RAD51B: variants seen among roughly 807,000 people sequenced by gnomAD.
The protein encoded by RAD51B is RAD51 paralog B.
Under a neutral mutation model 42.2 loss-of-function variants are expected in RAD51B, and 38 were observed. The ratio of observed to expected loss-of-function variants is 0.90; its 90% CI spans 0.70 to 1.18. The LOEUF (loss-of-function observed/expected upper bound fraction) is 1.18, where lower values mean the gene tolerates loss of function less well. RAD51B is among the 50% of genes most tolerant of loss of function. RAD51B has a pLI of 0.00. For synonymous variants in RAD51B, 154 were observed against 145.2 expected (o/e 1.06, Z -0.43); for missense variants, 373 against 400.7 (o/e 0.93, Z 0.59).
At chr14:68,186,435 T>C (rs1257805586) in intron 7 of RAD51B, among the ~76,000 whole-genome samples, 1 of 152,036 alleles carries the variant, frequency 6.6e-6, no homozygotes, top group African/African-American at 2.4e-5. Flanking sequence ...AACCTACAGA[T>C]AGGGAGAAAA....
intron 10 of RAD51B, among the ~76,000 whole-genome samples, chr14:68,509,277 C>T (rs1885554392): frequency 6.6e-6 from 1 of 152,236 alleles, no homozygotes; most frequent in Non-Finnish European, 1.5e-5. Flanking sequence ...GTGTGGCACA[C>T]GTAAGGGAGC....
intron 7 of RAD51B, among the ~76,000 whole-genome samples, chr14:68,026,788 T>C (rs755875885): frequency 3.9e-5 from 6 of 152,220 alleles, no homozygotes; most frequent in Non-Finnish European, 7.3e-5. Flanking sequence ...CCTGTTTTTA[T>C]ATTCAGCTTC....
intron 7 of RAD51B, among the ~76,000 whole-genome samples, chr14:68,011,547 A>G (rs538371130): frequency 4.7e-4 from 71 of 152,238 alleles, no homozygotes; most frequent in Admixed American, 1.0e-3. Context: ...AGATGATCAC[A>G]GAAGTGTTCA....
chr14:68,401,554 C>A (rs1359847088), intron 8 of RAD51B, among the ~76,000 whole-genome samples: 4 of 152,144 alleles, frequency 2.6e-5, no homozygotes, highest in Non-Finnish European at 4.4e-5. Context: ...TTCTCAGTAA[C>A]GAGTTTGCTG....
intron 8 of RAD51B, among the ~76,000 whole-genome samples, chr14:68,306,863 G>C (rs911256): frequency 0.14 from 20,543 of 152,168 alleles, 1,866 homozygotes; most frequent in African/African-American, 0.26. Flanking sequence ...GTGCCATCAG[G>C]GAAGGAATCT....
intron 9 of RAD51B, among the ~76,000 whole-genome samples, chr14:68,429,048 TC>T (rs2084932244): frequency 6.6e-6 from 1 of 152,018 alleles, no homozygotes; most frequent in Non-Finnish European, 1.5e-5. Context: ...CATGATGGTT[TC>T]CAGCTTCATC....
intron 7 of RAD51B, among the ~76,000 whole-genome samples, chr14:68,017,343 G>A (rs185272980): frequency 3.3e-5 from 5 of 151,774 alleles, no homozygotes; most frequent in African/African-American, 1.2e-4. Flanking sequence ...CTACAGGCAC[G>A]TGCCACCATA....
chr14:68,246,929 C>G (rs1276608649), intron 7 of RAD51B, among the ~76,000 whole-genome samples: 1 of 152,120 alleles, frequency 6.6e-6, no homozygotes, highest in African/African-American at 2.4e-5. Context: ...TGATAAAGGA[C>G]ACAAACACAC....
intron 10 of RAD51B, among the ~76,000 whole-genome samples, chr14:68,622,915 T>C (rs1464822866): frequency 6.6e-6 from 1 of 151,968 alleles, no homozygotes; most frequent in Non-Finnish European, 1.5e-5. Flanking sequence ...GACTGCACCA[T>C]GGAGAACTCT....
At chr14:68,381,687 A>G (rs1218903118) in intron 8 of RAD51B, among the ~76,000 whole-genome samples, 4 of 152,186 alleles carry the variant, frequency 2.6e-5, no homozygotes, top group Non-Finnish European at 4.4e-5. Flanking sequence ...CTCAAAATAA[A>G]TAAATAAATA....
chr14:68,087,964 TTATTATTATATATAATTATATAATA>T (rs1467453388), intron 7 of RAD51B, among the ~76,000 whole-genome samples: 93 of 112,002 alleles, frequency 8.3e-4, no homozygotes, highest in South Asian at 3.6e-3. Context: ...ATTATATAAT[TTATTATTATATATAATTATATAATA>T]TATTATTATA....
At chr14:67,827,969 T>C (rs1387708069) in intron 3 of RAD51B, among the ~76,000 whole-genome samples, 2 of 152,240 alleles carry the variant, frequency 1.3e-5, no homozygotes, top group Non-Finnish European at 2.9e-5. Flanking sequence ...TGTATATTTA[T>C]AATAGAATGA....
At chr14:68,148,579 G>A (rs2078305651) in intron 7 of RAD51B, among the ~76,000 whole-genome samples, 1 of 152,306 alleles carries the variant, frequency 6.6e-6, no homozygotes, top group East Asian at 1.9e-4. Context: ...TGGTGTGAAA[G>A]CAATATGCAT....
intron 9 of RAD51B, among the ~76,000 whole-genome samples, chr14:68,464,531 A>G (rs1336293749): frequency 6.6e-6 from 1 of 152,244 alleles, no homozygotes; most frequent in African/African-American, 2.4e-5. Flanking sequence ...TACATCAGCA[A>G]TCTTATTCAA....
At chr14:68,213,278 G>A (rs2079748193) in intron 7 of RAD51B, among the ~76,000 whole-genome samples, 1 of 152,178 alleles carries the variant, frequency 6.6e-6, no homozygotes, top group South Asian at 2.1e-4. Flanking sequence ...AATCCTCACA[G>A]TGACCCTCTG....
intron 8 of RAD51B, among the ~76,000 whole-genome samples, chr14:68,307,772 G>T (rs1465138398): frequency 6.6e-6 from 1 of 152,166 alleles, no homozygotes; most frequent in Non-Finnish European, 1.5e-5. Flanking sequence ...CTAATAAACT[G>T]GATTTCTTAT....
chr14:68,362,196 C>T (rs1594727296), intron 8 of RAD51B, among the ~76,000 whole-genome samples: 1 of 152,150 alleles, frequency 6.6e-6, no homozygotes, highest in African/African-American at 2.4e-5. Context: ...GTGCCTAACA[C>T]ATTGTGAGCT....
chr14:68,562,751 C>T, intron 10 of RAD51B: 1 of 985,276 alleles, frequency 1.0e-6, no homozygotes, highest in East Asian at 1.1e-4. Flanking sequence ...CCCTCATCAC[C>T]AGGGCATATC....
intron 7 of RAD51B, among the ~76,000 whole-genome samples, chr14:67,943,681 G>C (rs1217139736): frequency 6.6e-6 from 1 of 152,106 alleles, no homozygotes; most frequent in Admixed American, 6.5e-5. Context: ...GTGGCATATT[G>C]ATTAAGTACT....
Sources: allele counts gnomAD v4.1 joint callset (sites outside exome capture counted in the v4.1 genomes callset), GRCh38; gene constraint gnomAD v4.1.1; transcripts MANE v1.5; gene names NCBI Gene and HGNC (gene_info 2026-07-23, HGNC 2026-07-21).